Variants in TIPARP observed in about 807,000 individuals in gnomAD.
The protein encoded by TIPARP is protein mono-ADP-ribosyltransferase TIPARP.
Under a neutral mutation model 56.5 loss-of-function variants are expected in TIPARP, and 12 were observed. The observed-to-expected ratio is 0.21, with a 90% confidence interval of 0.14 to 0.34. The LOEUF (loss-of-function observed/expected upper bound fraction) is 0.34. Among genes scored for constraint, TIPARP ranks in the 10% least tolerant of loss-of-function variants. TIPARP has a pLI of 1.00. For missense variants in TIPARP, 604 were observed against 781.6 expected (o/e 0.77, Z 2.71); for synonymous variants, 296 against 265.7 (o/e 1.11, Z -1.11).
chr3:156,695,832 T>TC (rs756025969), intron 3 of TIPARP, 33 bp from the exon 4 acceptor site: 1 of 1,299,744 alleles, frequency 7.7e-7, no homozygotes. Context: ...TTTCCTTTTT[T>TC]TTTTTTTTTT....
chr3:156,677,581 CAA>C, intron 1 of TIPARP, 74 bp from the exon 2 acceptor site: 3 of 1,053,010 alleles, frequency 2.8e-6, no homozygotes, highest in Non-Finnish European at 4.0e-6. Context: ...AGGACAAAAA[CAA>C]AACATTTTAA....
At chr3:156,679,459 A>C (rs952852091) in intron 2 of TIPARP, among the ~76,000 whole-genome samples, 2 of 152,250 alleles carry the variant, frequency 1.3e-5, no homozygotes, top group African/African-American at 4.8e-5. Context: ...CTAGTGCAAA[A>C]ATGGCTATAT....
chr3:156,677,031 C>G (rs989347141), intron 1 of TIPARP, among the ~76,000 whole-genome samples: 2 of 152,160 alleles, frequency 1.3e-5, no homozygotes, highest in African/African-American at 4.8e-5. Context: ...AAAGTAGACT[C>G]TTAACATTCT....
chr3:156,693,016 T>C (rs1444922050), intron 2 of TIPARP, among the ~76,000 whole-genome samples: 1 of 152,266 alleles, frequency 6.6e-6, no homozygotes, highest in East Asian at 1.9e-4. Flanking sequence ...CATGTACCAG[T>C]CTTTCTGAAT....
chr3:156,699,967 G>A (rs1052787665), intron 4 of TIPARP, among the ~76,000 whole-genome samples: 6 of 152,098 alleles, frequency 3.9e-5, no homozygotes, highest in Non-Finnish European at 7.4e-5. Flanking sequence ...AAGATGAGGG[G>A]AATTGGTTCC....
At chr3:156,678,842 C>T (rs947816714) in intron 2 of TIPARP, among the ~76,000 whole-genome samples, 6 of 152,166 alleles carry the variant, frequency 3.9e-5, no homozygotes, top group South Asian at 2.1e-4. Context: ...GTCAGTTCAA[C>T]GTGCGTGTGA....
chr3:156,695,963 C>T lies in TIPARP; in HGVS notation c.1185C>T (p.Phe395=). Residue 395 remains phenylalanine (F), a synonymous_variant, in exon 4 of 6, where the codon TTC becomes TTT. Coordinates refer to ENST00000295924, the MANE Select transcript of TIPARP (RefSeq NM_015508.5). ...ACTACATCCTCCACAATTCATTCTT[C>T]AGGAGAGAGATAAAAAGGAGACCCC... ...NNHYILHNSF[F]RREIKRRPLF... The T allele has an allele frequency of 1.9e-6, 3 of 1,611,812 alleles. No homozygotes were observed. The highest frequency in any genetic ancestry group is 2.5e-6 in the Non-Finnish European group (3 of 1,179,434).
At chr3:156,682,878 C>T (rs1361882068) in intron 2 of TIPARP, among the ~76,000 whole-genome samples, 2 of 152,142 alleles carry the variant, frequency 1.3e-5, no homozygotes, top group Non-Finnish European at 1.5e-5. Flanking sequence ...AAATGTGTGC[C>T]TTGTGCTTTA....
chr3:156,693,448 C>A (rs1383499364), intron 2 of TIPARP, among the ~76,000 whole-genome samples: 2 of 151,794 alleles, frequency 1.3e-5, no homozygotes, highest in African/African-American at 4.8e-5. Context: ...TTTTTTTCTT[C>A]ATGTTTTGCC....
chr3:156,683,413 G>A (rs1722351793), intron 2 of TIPARP, among the ~76,000 whole-genome samples: 1 of 152,136 alleles, frequency 6.6e-6, no homozygotes, highest in African/African-American at 2.4e-5. Context: ...TTAAGCATCT[G>A]AAATCCGAAA....
chr3:156,689,975 C>G (rs567621096), intron 2 of TIPARP, among the ~76,000 whole-genome samples: 1 of 152,196 alleles, frequency 6.6e-6, no homozygotes, highest in African/African-American at 2.4e-5. Flanking sequence ...TTCCTTTTCC[C>G]ACTAGATTGG....
intron 2 of TIPARP, among the ~76,000 whole-genome samples, chr3:156,688,655 A>G (rs751732729): frequency 7.2e-5 from 11 of 152,194 alleles, no homozygotes; most frequent in Non-Finnish European, 1.2e-4. Context: ...GGTATTGTGT[A>G]TGCCATGGCT....
chr3:156,684,970 G>T (rs1023479243), intron 2 of TIPARP, among the ~76,000 whole-genome samples: 7 of 152,098 alleles, frequency 4.6e-5, no homozygotes, highest in African/African-American at 1.2e-4. Flanking sequence ...CAAGTGGTAG[G>T]TTCTGAAATA....
chr3:156,693,893 C>G (rs1722641374), intron 2 of TIPARP, 127 bp from the exon 3 acceptor site: 1 of 1,092,806 alleles, frequency 9.2e-7, no homozygotes, highest in Non-Finnish European at 1.2e-6. Context: ...CCAAGTAAAG[C>G]AAGTTTTGAA....
At chr3:156,701,921 T>A (rs1722852430) in intron 4 of TIPARP, among the ~76,000 whole-genome samples, 1 of 152,166 alleles carries the variant, frequency 6.6e-6, no homozygotes, top group Non-Finnish European at 1.5e-5. Context: ...GAAGGCACAG[T>A]CACTTGTAGA....
intron 3 of TIPARP, 120 bp from the exon 4 acceptor site, chr3:156,695,745 C>T: frequency 7.5e-7 from 1 of 1,342,114 alleles, no homozygotes. Flanking sequence ...TATTTAGACT[C>T]ACTGTACTTT....
intron 4 of TIPARP, among the ~76,000 whole-genome samples, chr3:156,702,500 T>C (rs942039775): frequency 2.0e-5 from 3 of 152,240 alleles, no homozygotes; most frequent in Admixed American, 2.0e-4. Flanking sequence ...AAAGCTCTTA[T>C]GAAAATTTCA....
chr3:156,693,313 T>TATA (rs1722624384), intron 2 of TIPARP, among the ~76,000 whole-genome samples: 1 of 152,184 alleles, frequency 6.6e-6, no homozygotes, highest in Non-Finnish European at 1.5e-5. Flanking sequence ...TGAGTCTGAT[T>TATA]CATATAGTGG....
At position 156,677,766 on chromosome 3, in the gene TIPARP, T is replaced by C. The variant is rs1234794823; in HGVS notation, c.69T>C (p.Phe23=). The part of the protein sequence containing the change: ...VVQPPSPPDD[F]SCQMRLSEKI... ...AGCCTCCCTCTCCTCCTGATGACTT[T>C]TCATGCCAAATGAGACTCTCTGAGA... is the stretch of plus-strand genomic sequence containing the variant. The change falls in exon 2 of 6, where the codon TTT becomes TTC. Residue 23 remains phenylalanine, a synonymous_variant. Transcript: ENST00000295924. 16 of 1,613,884 alleles carry C rather than the reference T, an allele frequency of 9.9e-6. No individual in the cohort carries two copies. Among genetic ancestry groups the C allele is most frequent in the African/African-American group, 1.3e-5 (1 of 74,890 alleles).
Sources: gnomAD v4.1 joint callset for allele counts (sites outside exome capture counted in the v4.1 genomes callset) on GRCh38, gnomAD v4.1.1 for gene constraint, MANE v1.5 for transcripts, NCBI Gene and HGNC (gene_info 2026-07-23, HGNC 2026-07-21) for gene names.